The following LAMC3 variants were observed in gnomAD, a reference collection of about 807,000 sequenced individuals.
LAMC3 encodes the protein laminin subunit gamma 3, also known as laminin subunit gamma-3.
A neutral mutation model predicts 173.8 loss-of-function variants in LAMC3; 128 were observed. That is an observed-to-expected ratio of 0.74 (90% CI 0.64 to 0.85). LAMC3 has a LOEUF of 0.85. LAMC3 is among the 40% of genes least tolerant of loss of function. LAMC3 has a pLI of 0.00. For missense variants in LAMC3, 2,022 were observed against 2,156.0 expected (o/e 0.94, Z 1.23); for synonymous variants, 897 against 909.1 (o/e 0.99, Z 0.24).
At position 131,009,260 on chromosome 9, in the gene LAMC3, C is replaced by G. The variant is rs1239767840; in HGVS notation, c.46C>G (p.Arg16Gly). ...LLLGLALLAPRAAGAGMGACY... is the reference protein window; with the variant it reads ...LLLGLALLAPGAAGAGMGACY... ...GCTGGGGCTGGCGCTGCTGGCACCG[C>G]GGGCGGCCGGCGCGGGCATGGGCGC... The change falls in exon 1 of 28, where the codon CGG becomes GGG. Residue 16 changes from arginine (R) to glycine (G), a missense_variant. Coordinates refer to ENST00000361069, the MANE Select transcript of LAMC3 (RefSeq NM_006059.4). This position sits in a 1 kb window ranked among gnomAD's most constrained non-coding sequence, Gnocchi z 4.3. The G allele has an allele frequency of 7.7e-7, 1 of 1,299,868 alleles. No individual in the cohort carries two copies. The highest frequency in any genetic ancestry group is 9.7e-7 in the Non-Finnish European group (1 of 1,029,196). 80.5% of individuals were successfully genotyped at this position (1,299,868 alleles called of 1,614,324 possible).
At chr9:131,049,897 C>G (rs1834247440) in intron 9 of LAMC3, among the ~76,000 whole-genome samples, 1 of 152,232 alleles carries the variant, frequency 6.6e-6, no homozygotes, top group Admixed American at 6.5e-5. Flanking sequence ...GCCCCAGAAC[C>G]CAGAGCCTAG....
Position 131,009,866 on chromosome 9 carries a change from A to C in LAMC3, c.373+279A>C, listed in dbSNP as rs1833380662. On this transcript the variant is annotated intron_variant, in intron 1 of 27. Transcript: ENST00000361069. The surrounding 1 kb of genome is among the most constrained non-coding windows in gnomAD (Gnocchi z 4.3). ...ATCCCATCTTTACAAAAAATAAAGA[A>C]AAATAGGCCGGGCGCGGTGGCTGAC... is the stretch of plus-strand genomic sequence containing the variant. Among the ~76,000 whole-genome samples the C allele has an allele frequency of 1.3e-5, 2 of 151,080 alleles. No individual in the cohort carries two copies. The highest frequency in any genetic ancestry group is 3.0e-5 in the Non-Finnish European group (2 of 67,786).
intron 2 of LAMC3, among the ~76,000 whole-genome samples, chr9:131,031,357 C>T (rs1833819551): frequency 1.3e-5 from 2 of 152,226 alleles, no homozygotes; most frequent in South Asian, 4.1e-4. Context: ...ATTCAGGGAT[C>T]AGCAGGTATT....
chr9:131,009,722 GA>G lies in LAMC3; in HGVS notation c.373+138del. ...ATATGGTGTTGGATGGAGGGGCTCA[GA>G]AATAGGAATTAGGCTGGGTGCGGTG... On this transcript the variant is annotated intron_variant, in intron 1 of 27. Coordinates refer to ENST00000361069, the MANE Select transcript of LAMC3 (RefSeq NM_006059.4). This position sits in a 1 kb window ranked among gnomAD's most constrained non-coding sequence, Gnocchi z 4.3. The G allele has an allele frequency of 9.0e-7, 1 of 1,115,580 alleles. No homozygotes were observed. Among genetic ancestry groups the G allele is most frequent in the African/African-American group, 1.6e-5 (1 of 62,628 alleles). 69.1% of individuals were successfully genotyped at this position (1,115,580 alleles called of 1,614,324 possible). A position where few individuals can be genotyped will look rare whatever the true frequency, so the allele number is the denominator to read the frequency against.
At chr9:131,054,950 G>A (rs906042683) in intron 11 of LAMC3, among the ~76,000 whole-genome samples, 9 of 151,718 alleles carry the variant, frequency 5.9e-5, no homozygotes, top group East Asian at 3.9e-4. Context: ...TTGTCATTAC[G>A]CGTAGAAAGC....
chr9:131,068,668 T>G (rs1465769104), intron 15 of LAMC3, among the ~76,000 whole-genome samples: 1 of 152,164 alleles, frequency 6.6e-6, no homozygotes, highest in African/African-American at 2.4e-5. Flanking sequence ...CAGAGGGGTA[T>G]AGTCTCCCCG....
rs143654398 is a variant in LAMC3 at position 131,067,158 on chromosome 9, G to T, written c.2546G>T (p.Gly849Val). The change falls in exon 14 of 28, where the codon GGC becomes GTC. Residue 849 changes from glycine to valine, a missense_variant. Physicochemically the swap from Gly to Val is moderately radical, Grantham distance 109 (BLOSUM62 -3). Coordinates refer to ENST00000361069, the MANE Select transcript of LAMC3 (RefSeq NM_006059.4). Reference sequence around the variant, plus strand: ...GACCACTGTGAGCACTGTCAGGAAGGCTTCTACGGGAGCGCCCTGGCCCCT... The same window carrying T: ...GACCACTGTGAGCACTGTCAGGAAGTCTTCTACGGGAGCGCCCTGGCCCCT... ...TGDHCEHCQE[G>V]FYGSALAPRP... is the part of the protein sequence containing the mutation. The T allele has an allele frequency of 4.3e-5, 70 of 1,614,034 alleles. No homozygotes were observed. The Middle Eastern group carries it at 6.6e-4, about 15-fold the overall frequency.
chr9:131,023,551 T>C (rs1833666452), intron 1 of LAMC3, among the ~76,000 whole-genome samples: 1 of 152,228 alleles, frequency 6.6e-6, no homozygotes, highest in Non-Finnish European at 1.5e-5. Context: ...TTTTCTTGTG[T>C]TTCTTGGCCA....
In LAMC3 at chr9:131,026,206, C is replaced by T; in HGVS notation, c.374-79C>T. The stretch of plus-strand genomic sequence containing the variant: ...TCCATCCACGCTAGTGCCTGCAATG[C>T]AGCCGTCTGTCCTTCCTAGACCAGG... On this transcript the variant is annotated intron_variant, in intron 1 of 27. Coordinates refer to ENST00000361069, the MANE Select transcript of LAMC3 (RefSeq NM_006059.4). This position sits in a 1 kb window ranked among gnomAD's most constrained non-coding sequence, Gnocchi z 4.8. 6.3e-7 allele frequency: 1 copy of T among 1,589,576 alleles called. No individual in the cohort carries two copies. The highest frequency in any genetic ancestry group is 1.3e-5 in the African/African-American group (1 of 74,202).
At chr9:131,016,361 A>G (rs1833519717) in intron 1 of LAMC3, among the ~76,000 whole-genome samples, 1 of 152,192 alleles carries the variant, frequency 6.6e-6, no homozygotes, top group Admixed American at 6.5e-5. Context: ...GAGCTGTGCA[A>G]ATGGGTAAGA....
intron 4 of LAMC3, among the ~76,000 whole-genome samples, chr9:131,037,603 G>A (rs761733039): frequency 5.3e-5 from 8 of 152,196 alleles, no homozygotes; most frequent in East Asian, 3.9e-4. Context: ...TCCTGGGTGC[G>A]TGTTCCTCCT....
In LAMC3 at chr9:131,091,903, A is replaced by G; in HGVS notation, c.*116A>G. Reference sequence around the variant, plus strand: ...CATTCCCCGGAGCCGGCTGCTGTGAACTCGCCCCCGTGTGGATAGTCACTC... The same window carrying G: ...CATTCCCCGGAGCCGGCTGCTGTGAGCTCGCCCCCGTGTGGATAGTCACTC... On this transcript the variant is annotated 3_prime_UTR_variant, in exon 28 of 28. Coordinates refer to ENST00000361069, the MANE Select transcript of LAMC3 (RefSeq NM_006059.4). 2 of 1,270,806 alleles carry G rather than the reference A, an allele frequency of 1.6e-6. No individual in the cohort carries two copies. Among genetic ancestry groups the G allele is most frequent in the Admixed American group, 2.3e-5 (1 of 43,300 alleles). The allele number at this position is 1,270,806 out of a possible 1,614,324, so 78.7% of individuals were successfully genotyped here. A position where few individuals can be genotyped will look rare whatever the true frequency, so the allele number is the denominator to read the frequency against.
At chr9:131,041,366 C>CAAAAAA (rs10526087) in intron 6 of LAMC3, among the ~76,000 whole-genome samples, 1 of 114,560 alleles carries the variant, frequency 8.7e-6, no homozygotes, top group Non-Finnish European at 1.8e-5. Flanking sequence ...GACTCTGTCC[C>CAAAAAA]AAAAAAAAAG....
At position 131,009,185 on chromosome 9, in the gene LAMC3, G is replaced by A. The variant is rs925653066; in HGVS notation, c.-30G>A. On this transcript the variant is annotated 5_prime_UTR_variant, in exon 1 of 28. Coordinates refer to ENST00000361069, the MANE Select transcript of LAMC3 (RefSeq NM_006059.4). The surrounding 1 kb of genome is among the most constrained non-coding windows in gnomAD (Gnocchi z 4.3). ...CGCCCACCCTAGCCGAGCGGGGCCGGCAGAGCGCGCGGCGTCGGTGCCCTT... is the reference window on the plus strand; with the variant it reads ...CGCCCACCCTAGCCGAGCGGGGCCGACAGAGCGCGCGGCGTCGGTGCCCTT... The A allele has an allele frequency of 2.0e-5, 24 of 1,181,898 alleles. No individual in the cohort carries two copies. In the African/African-American group the frequency reaches 3.1e-4, roughly 15 times the overall value. The allele number at this position is 1,181,898 out of a possible 1,614,324, so 73.2% of individuals were successfully genotyped here. A position where few individuals can be genotyped will look rare whatever the true frequency, so the allele number is the denominator to read the frequency against.
At chr9:131,040,611 AACTG>A (rs1564371794) in intron 6 of LAMC3, among the ~76,000 whole-genome samples, 2 of 152,136 alleles carry the variant, frequency 1.3e-5, no homozygotes, top group African/African-American at 2.4e-5. Flanking sequence ...CTGGGCATAA[AACTG>A]ACCATGAGAT....
chr9:131,048,411 C>T (rs1834217100), intron 8 of LAMC3, among the ~76,000 whole-genome samples: 1 of 152,132 alleles, frequency 6.6e-6, no homozygotes, highest in South Asian at 2.1e-4. Context: ...TGACATCTTC[C>T]TTTCTCTGAC....
At chr9:131,024,910 G>C (rs1361723539) in intron 1 of LAMC3, among the ~76,000 whole-genome samples, 1 of 152,166 alleles carries the variant, frequency 6.6e-6, no homozygotes, top group East Asian at 1.9e-4. Flanking sequence ...GTCCTGGGGG[G>C]ATGTCAGGGG....
chr9:131,043,248 C>T (rs1834089117), intron 7 of LAMC3, among the ~76,000 whole-genome samples: 2 of 152,360 alleles, frequency 1.3e-5, no homozygotes, highest in South Asian at 4.1e-4. Context: ...TTCAAGTGTT[C>T]AAGAGGCCTC....
At chr9:131,065,490 C>A (rs183163373) in intron 13 of LAMC3, among the ~76,000 whole-genome samples, 1 of 151,804 alleles carries the variant, frequency 6.6e-6, no homozygotes, top group Non-Finnish European at 1.5e-5. Flanking sequence ...AGGAAAAGGA[C>A]GAGGAGAAGC....
Sources: allele counts gnomAD v4.1 joint callset (sites outside exome capture counted in the v4.1 genomes callset), GRCh38; gene constraint gnomAD v4.1.1; non-coding constraint Gnocchi (gnomAD v3.1); transcripts MANE v1.5; gene names NCBI Gene and HGNC (gene_info 2026-07-23, HGNC 2026-07-21).